Variants in FOXP2 observed in about 807,000 individuals in gnomAD.
FOXP2 encodes the protein forkhead box P2.
A neutral mutation model predicts 115.8 loss-of-function variants in FOXP2; 12 were observed. The observed-to-expected ratio is 0.10, with a 90% confidence interval of 0.07 to 0.17. The LOEUF is 0.17. Among genes scored for constraint, FOXP2 ranks in the 10% least tolerant of loss-of-function variants. The probability of loss-of-function intolerance (pLI) is 1.00; values close to 1 mark genes in which losing one functional copy is unlikely to be tolerated. For synonymous variants in FOXP2, 328 were observed against 297.7 expected, an observed-to-expected ratio of 1.10 and a Z score of -1.05; for missense variants, 629 against 843.5, an observed-to-expected ratio of 0.75 and a Z score of 3.15.
At chr7:114,412,903 G>A (rs777272613), upstream of FOXP2, among the ~76,000 whole-genome samples, 3 of 152,138 alleles carry the variant, frequency 2.0e-5, no homozygotes, top group Non-Finnish European at 4.4e-5. Context: ...CAAAAGCCTG[G>A]AGGAGGAAAG....
chr7:114,302,665 A>G (rs114567559), intron 2 of FOXP2, among the ~76,000 whole-genome samples: 3,500 of 152,292 alleles, frequency 0.023, 84 homozygotes, highest in African/African-American at 0.055. Context: ...GAGTGAGGGC[A>G]GAACCTATGA....
chr7:114,526,882 A>T (rs1412229008), intron 2 of FOXP2, among the ~76,000 whole-genome samples: 3 of 152,054 alleles, frequency 2.0e-5, no homozygotes, highest in Non-Finnish European at 4.4e-5. Context: ...TTCAACTATC[A>T]CCACTGTTTA....
intron 2 of FOXP2, among the ~76,000 whole-genome samples, chr7:114,360,792 A>G (rs1008015395): frequency 2.0e-5 from 3 of 152,232 alleles, no homozygotes; most frequent in African/African-American, 7.2e-5. Context: ...TTTAAGATAC[A>G]GAAAATATAG....
intron 2 of FOXP2, among the ~76,000 whole-genome samples, chr7:114,295,347 T>A (rs1398954049): frequency 6.6e-6 from 1 of 152,178 alleles, no homozygotes; most frequent in Non-Finnish European, 1.5e-5. Context: ...TTGGAATTAG[T>A]CTTTAATGAT....
At chr7:114,111,436 C>T (rs1270938857) in intron 1 of FOXP2, among the ~76,000 whole-genome samples, 1 of 152,064 alleles carries the variant, frequency 6.6e-6, no homozygotes, top group Non-Finnish European at 1.5e-5. Context: ...GCCAGATCAG[C>T]AGAAGAACCA....
intron 1 of FOXP2, among the ~76,000 whole-genome samples, chr7:114,213,981 A>G (rs1794422739): frequency 6.6e-6 from 1 of 152,216 alleles, no homozygotes; most frequent in Non-Finnish European, 1.5e-5. Context: ...AATTTTGTGG[A>G]AAGGAAAGTG....
chr7:114,573,603 T>C (rs1319884735), intron 3 of FOXP2, among the ~76,000 whole-genome samples: 1 of 151,456 alleles, frequency 6.6e-6, no homozygotes, highest in Non-Finnish European at 1.5e-5. Flanking sequence ...CCTATCAAAG[T>C]GTTAATTTAA....
chr7:114,518,324 A>G (rs887974622), intron 2 of FOXP2, among the ~76,000 whole-genome samples: 1 of 152,196 alleles, frequency 6.6e-6, no homozygotes, highest in Non-Finnish European at 1.5e-5. Context: ...ATGAAATTTA[A>G]GTGTTCTTAT....
chr7:114,371,169 C>T (rs1791996259), intron 2 of FOXP2, among the ~76,000 whole-genome samples: 1 of 151,966 alleles, frequency 6.6e-6, no homozygotes, highest in Non-Finnish European at 1.5e-5. Flanking sequence ...CAGCCTGGTC[C>T]TCCTGGGCTC....
At chr7:114,561,482 A>T (rs1004268140) in intron 3 of FOXP2, 2 of 152,194 alleles carry the variant, frequency 1.3e-5, no homozygotes, top group East Asian at 3.8e-4. Context: ...ATTTTAAAGA[A>T]GTTTGCCTTT....
chr7:114,600,255 A>G (rs1338059187), intron 3 of FOXP2, among the ~76,000 whole-genome samples: 1 of 152,194 alleles, frequency 6.6e-6, no homozygotes, highest in Non-Finnish European at 1.5e-5. Context: ...AGAATGTCTT[A>G]TAGTTGGAAT....
rs138156728 is a variant in FOXP2, at chr7:114,295,930, G to A, written c.-11+7821G>A. On this transcript the variant is annotated intron_variant, in intron 2 of 17. Coordinates refer to the FOXP2 transcript ENST00000634411. Reference sequence around the variant, plus strand: ...GAAGACTGATTGAAACTTGTGTCTCGGAGTTGCTAATGCTCACTGAACCAT... The same window carrying A: ...GAAGACTGATTGAAACTTGTGTCTCAGAGTTGCTAATGCTCACTGAACCAT... Among the ~76,000 whole-genome samples the A allele has an allele frequency of 2.0e-3, 302 of 152,066 alleles. 2 individuals carry two copies. Among genetic ancestry groups the A allele is most frequent in the East Asian group, 0.018 (93 of 5,178 alleles).
chr7:114,413,414 TAAAAA>T (rs1007344179), upstream of FOXP2, among the ~76,000 whole-genome samples: 4 of 152,106 alleles, frequency 2.6e-5, no homozygotes, highest in African/African-American at 7.2e-5. Context: ...AAAAAAATGT[TAAAAA>T]TAAATGTTTA....
chr7:114,103,158 T>C (rs1313082674), intron 1 of FOXP2, among the ~76,000 whole-genome samples: 2 of 152,022 alleles, frequency 1.3e-5, no homozygotes, highest in African/African-American at 4.8e-5. Flanking sequence ...AGAAACAGCA[T>C]TGGCAGCATT....
At chr7:114,580,213 A>G (rs1298767607) in intron 3 of FOXP2, among the ~76,000 whole-genome samples, 1 of 152,224 alleles carries the variant, frequency 6.6e-6, no homozygotes, top group East Asian at 1.9e-4. Context: ...GTCCAATTAG[A>G]GTGTGTTATC....
At chr7:114,435,179 T>A (rs1794283889) in intron 2 of FOXP2, among the ~76,000 whole-genome samples, 1 of 152,126 alleles carries the variant, frequency 6.6e-6, no homozygotes, top group South Asian at 2.1e-4. Context: ...TGAAAGCATT[T>A]CCCCAGCCTT....
intron 2 of FOXP2, among the ~76,000 whole-genome samples, chr7:114,393,538 G>A (rs1792661207): frequency 6.6e-6 from 1 of 151,832 alleles, no homozygotes; most frequent in South Asian, 2.1e-4. Flanking sequence ...GCCGGAGTAG[G>A]CTGAAGGGGG....
intron 2 of FOXP2, among the ~76,000 whole-genome samples, chr7:114,427,898 T>G (rs910261011): frequency 1.3e-5 from 2 of 151,674 alleles, no homozygotes; most frequent in African/African-American, 2.4e-5. Flanking sequence ...ATTTTACAAT[T>G]TTCATTTTTT....
chr7:114,507,526 A>G (rs1175651232), intron 2 of FOXP2, among the ~76,000 whole-genome samples: 1 of 151,858 alleles, frequency 6.6e-6, no homozygotes, highest in Non-Finnish European at 1.5e-5. Context: ...TGAGAAATAA[A>G]CAAATTAGGA....
Sources: allele counts gnomAD v4.1 joint callset (sites outside exome capture counted in the v4.1 genomes callset), GRCh38; gene constraint gnomAD v4.1.1; transcripts MANE v1.5; gene names NCBI Gene and HGNC (gene_info 2026-07-23, HGNC 2026-07-21).